UBA6: variants seen among roughly 807,000 people sequenced by gnomAD.
UBA6 encodes the protein ubiquitin-like modifier-activating enzyme 6.
UBA6 carries 87 observed loss-of-function variants against 148.3 expected under a neutral mutation model. That is an observed-to-expected ratio of 0.59 (90% CI 0.49 to 0.70). The LOEUF is 0.70. Among genes scored for constraint, UBA6 ranks in the 30% least tolerant of loss-of-function variants. The pLI, the probability that UBA6 is intolerant of heterozygous loss-of-function variation, is 0.00. For synonymous variants in UBA6, 376 were observed against 401.0 expected (o/e 0.94, Z 0.75); for missense variants, 1,186 against 1,241.2 (o/e 0.96, Z 0.67).
intron 9 of UBA6, among the ~76,000 whole-genome samples, chr4:67,666,610 T>G (rs902765178): frequency 2.6e-5 from 4 of 152,150 alleles, no homozygotes; most frequent in African/African-American, 9.7e-5. Context: ...TTTTTTATCT[T>G]CATACCTGTA....
intron 25 of UBA6, among the ~76,000 whole-genome samples, chr4:67,630,946 T>C (rs1258708171): frequency 1.3e-5 from 2 of 152,156 alleles, no homozygotes; most frequent in African/African-American, 2.4e-5. Flanking sequence ...GAAAGTCTTA[T>C]AGAAGAAGCA....
At chr4:67,686,951 CT>C (rs1730580853) in intron 2 of UBA6, among the ~76,000 whole-genome samples, 1 of 21,286 alleles carries the variant, frequency 4.7e-5, no homozygotes, top group Non-Finnish European at 7.6e-5. Context: ...GATCCTGTCT[CT>C]AAAAAAAAAA....
chr4:67,661,093 T>C (rs1390899904), intron 13 of UBA6, among the ~76,000 whole-genome samples: 3 of 152,192 alleles, frequency 2.0e-5, no homozygotes, highest in African/African-American at 7.2e-5. Flanking sequence ...CTAACTTGCT[T>C]CTGATTTTAC....
chr4:67,630,474 C>A lies in UBA6; in HGVS notation c.2320G>T (p.Ala774Ser). 1.3e-6 allele frequency: 2 copies of A among 1,586,024 alleles called. No individual in the cohort carries two copies. Among genetic ancestry groups the A allele is most frequent in the Non-Finnish European group, 8.6e-7 (1 of 1,165,354 alleles). Residue 774 changes from alanine (A) to serine (S), a missense_variant, in exon 26 of 33, where the codon GCA becomes TCA. Coordinates refer to ENST00000322244, the MANE Select transcript of UBA6 (RefSeq NM_018227.6). ...LYATVYCIPFAEEDLSADALL... is the reference protein window; with the variant it reads ...LYATVYCIPFSEEDLSADALL... ...CTTAAAGAATATCTTACCTCTTCTG[C>A]AAATGGAATACAATATACTGTAGCA... is the stretch of plus-strand genomic sequence containing the variant.
At chr4:67,667,621 GT>G (rs1730037875) in intron 9 of UBA6, among the ~76,000 whole-genome samples, 1 of 151,852 alleles carries the variant, frequency 6.6e-6, no homozygotes, top group Admixed American at 6.6e-5. Context: ...CCCTAAATAG[GT>G]GTAAGCATGC....
chr4:67,630,390 T>G, intron 26 of UBA6, 76 bp downstream of exon 26: 1 of 904,300 alleles, frequency 1.1e-6, no homozygotes, highest in South Asian at 1.6e-5. Flanking sequence ...AAACATGTTT[T>G]GATGCAATTA....
chr4:67,631,917 A>G lies in UBA6; in HGVS notation c.2143-9T>C. Reference sequence around the variant, plus strand: ...TGAAGAAGCTGAAGAGCCTAAAGAAAAAAAATGAATTAAAGACACCCACTA... The same window carrying G: ...TGAAGAAGCTGAAGAGCCTAAAGAAGAAAAATGAATTAAAGACACCCACTA... On this transcript the variant is annotated splice_polypyrimidine_tract_variant and intron_variant, in intron 23 of 32. Coordinates refer to ENST00000322244, the MANE Select transcript of UBA6 (RefSeq NM_018227.6). The G allele has an allele frequency of 6.2e-7, 1 of 1,608,566 alleles. No individual in the cohort carries two copies. Among genetic ancestry groups the G allele is most frequent in the Non-Finnish European group, 8.5e-7 (1 of 1,178,022 alleles).
intron 26 of UBA6, among the ~76,000 whole-genome samples, chr4:67,629,668 CTTAGTGCT>C (rs1360585526): frequency 6.6e-6 from 1 of 151,994 alleles, no homozygotes; most frequent in East Asian, 1.9e-4. Flanking sequence ...AAGGCTGAGA[CTTAGTGCT>C]TTTGAGGTCA....
chr4:67,696,526 CACA>C, intron 2 of UBA6, 116 bp downstream of exon 2: 1 of 683,974 alleles, frequency 1.5e-6, no homozygotes. Flanking sequence ...CATACACACA[CACA>C]CACACACACA....
intron 7 of UBA6, among the ~76,000 whole-genome samples, chr4:67,673,086 T>G (rs537544750): frequency 6.6e-6 from 1 of 152,268 alleles, no homozygotes; most frequent in Non-Finnish European, 1.5e-5. Context: ...GCTATAACTG[T>G]CTCCAATACA....
intron 4 of UBA6, among the ~76,000 whole-genome samples, chr4:67,679,629 T>C (rs916361763): frequency 5.9e-5 from 9 of 151,926 alleles, no homozygotes; most frequent in African/African-American, 9.7e-5. Flanking sequence ...ACAAGTAAAA[T>C]ATAATAGGAT....
intron 9 of UBA6, among the ~76,000 whole-genome samples, chr4:67,668,147 C>T (rs780858850): frequency 1.4e-4 from 21 of 152,162 alleles, no homozygotes; most frequent in Non-Finnish European, 2.6e-4. Context: ...TATCTTAAGA[C>T]TTGTGAGCTT....
intron 32 of UBA6, among the ~76,000 whole-genome samples, chr4:67,619,414 G>A (rs937522317): frequency 4.6e-5 from 7 of 152,174 alleles, no homozygotes; most frequent in African/African-American, 1.2e-4. Flanking sequence ...GGTGGCTCAC[G>A]CCTGTAATCC....
chr4:67,644,911 G>T, intron 16 of UBA6, 133 bp from the exon 17 acceptor site: 2 of 516,030 alleles, frequency 3.9e-6, no homozygotes, highest in Non-Finnish European at 7.1e-6. Context: ...ATAAGGAAAA[G>T]CATAATTGTA....
Position 67,629,124 on chromosome 4 carries a change from G to A in UBA6, c.2347C>T (p.Leu783Phe). ...FAEEDLSADA[L>F]LNILSEVKIQ... ...TTTACTTCTGAAAGAATATTCAAGA[G>A]GGCATCTGCTGATAAGTCCTGTTTT... The change falls in exon 27 of 33, where the codon CTC (leucine) becomes TTC (phenylalanine). Residue 783 changes from leucine (L) to phenylalanine (F), a missense_variant. Transcript: ENST00000322244. 1.2e-6 allele frequency: 2 copies of A among 1,608,646 alleles called. No homozygotes were observed. The highest frequency in any genetic ancestry group is 1.7e-6 in the Non-Finnish European group (2 of 1,176,008).
intron 2 of UBA6, among the ~76,000 whole-genome samples, chr4:67,694,284 T>TTAAAAAAA (rs1730776822): frequency 7.7e-6 from 1 of 129,832 alleles, no homozygotes; most frequent in Non-Finnish European, 1.6e-5. Flanking sequence ...ATTCAGTCAC[T>TTAAAAAAA]ATAAAAAAAA....
intron 5 of UBA6, 91 bp from the exon 6 acceptor site, chr4:67,677,813 G>C: frequency 1.7e-6 from 1 of 593,090 alleles, no homozygotes; most frequent in East Asian, 3.2e-5. Context: ...AGAGGAACCT[G>C]ACATGTTACA....
chr4:67,643,800 C>T (rs1361599981), intron 17 of UBA6, among the ~76,000 whole-genome samples: 2 of 152,010 alleles, frequency 1.3e-5, no homozygotes, highest in African/African-American at 2.4e-5. Context: ...TTCTTCATTA[C>T]AGTTCTTTTC....
intron 13 of UBA6, among the ~76,000 whole-genome samples, chr4:67,649,662 A>G (rs1729506270): frequency 6.6e-6 from 1 of 152,200 alleles, no homozygotes; most frequent in South Asian, 2.1e-4. Context: ...TTTGTGTTGA[A>G]AGTTGTAAAT....
Sources: gnomAD v4.1 joint callset for allele counts (sites outside exome capture counted in the v4.1 genomes callset) on GRCh38, gnomAD v4.1.1 for gene constraint, MANE v1.5 for transcripts, NCBI Gene and HGNC (gene_info 2026-07-23, HGNC 2026-07-21) for gene names.